Variants in HASPIN observed in about 807,000 individuals in gnomAD.
HASPIN encodes histone H3 associated protein kinase.
In HASPIN, 24 loss-of-function variants were observed where a neutral mutation model predicts 28.8. That is an observed-to-expected ratio of 0.83 (90% confidence interval 0.60 to 1.17). The LOEUF is 1.17. Ranked by LOEUF, HASPIN falls within the 50% of genes most tolerant of loss-of-function variation. The pLI, the probability that HASPIN is intolerant of heterozygous loss-of-function variation, is 0.00. For missense variants in HASPIN, 1,016 were observed against 1,018.5 expected (o/e 1.00, Z 0.03); for synonymous variants, 440 against 413.1 (o/e 1.07, Z -0.79).
At position 3,725,500 on chromosome 17, in the gene HASPIN, A is replaced by AT. The variant is rs2051189615; in HGVS notation, c.1566dup (p.Gly523TrpfsTer8). The AT allele has an allele frequency of 6.2e-7, 1 of 1,614,138 alleles. No homozygotes were observed. The highest frequency in any genetic ancestry group is 1.3e-5 in the African/African-American group (1 of 74,946). On this transcript the variant is annotated frameshift_variant, in exon 1 of 1. Transcript: ENST00000325418. LOFTEE classifies it high-confidence loss of function. ...GCTATTGAAGGACCAGATTTAGTCA[A>AT]TGGATCCCATCAGAAAACCTTTGAG... is the stretch of plus-strand genomic sequence containing the variant.
chr17:3,725,433 C>G lies in HASPIN; in HGVS notation c.1498C>G (p.Gln500Glu), dbSNP rs1445703139. The G allele has an allele frequency of 1.2e-6, 2 of 1,614,174 alleles. No homozygotes were observed. Among genetic ancestry groups the G allele is most frequent in the Non-Finnish European group, 1.7e-6 (2 of 1,180,024 alleles). The change falls in exon 1 of 1, where the codon CAA becomes GAA. Residue 500 changes from glutamine to glutamate, a missense_variant. Gln to Glu is a conservative substitution (Grantham distance 29, BLOSUM62 2). This residue lies in a region of HASPIN where 881 missense variants were observed against 845.5 expected (regional missense o/e 1.04). Coordinates refer to ENST00000325418, the MANE Select transcript of HASPIN (RefSeq NM_031965.2). ...GGAAGGGGTGTTTGGCGAAGTGTTT[C>G]AAACAATTGCTGATCACACACCCGT... is the stretch of plus-strand genomic sequence containing the variant. ...IGEGVFGEVF[Q>E]TIADHTPVAI...
rs779836408 is a variant in HASPIN, at chr17:3,724,873, A to G, written c.938A>G (p.His313Arg). The change falls in exon 1 of 1, where the codon CAT becomes CGT. Residue 313 changes from histidine to arginine, a missense_variant. By Grantham distance (29) the His-to-Arg change is conservative. Around this residue, in one of 3 missense-constraint regions of HASPIN, gnomAD observed 881 missense variants for 845.5 expected, o/e 1.04. Coordinates refer to ENST00000325418, the MANE Select transcript of HASPIN (RefSeq NM_031965.2). ...CTTCAAGAGGCCGTCCGGAGAGAGCATCAGGAGGCCAGTGTTCCCAAGGGC... is the reference window on the plus strand; with the variant it reads ...CTTCAAGAGGCCGTCCGGAGAGAGCGTCAGGAGGCCAGTGTTCCCAAGGGC... ...RGLQEAVRRE[H>R]QEASVPKGRI... is the part of the protein sequence containing the mutation. 2.0e-5 allele frequency: 33 copies of G among 1,613,866 alleles called. 1 individual carries two copies. In the Admixed American group the frequency reaches 4.3e-4, roughly 21 times the overall value.
chr17:3,723,975 C>G lies in HASPIN; in HGVS notation c.40C>G (p.Arg14Gly). ...SLPGPGSRLF[R>G]TYGAADGRRQ... ...CCCGGGACCTGGGAGCCGGCTTTTC[C>G]GCACATATGGGGCTGCGGACGGCAG... The change falls in exon 1 of 1, where the codon CGC becomes GGC. Residue 14 changes from arginine (R) to glycine (G), a missense_variant. Arg to Gly is a moderately radical substitution (Grantham distance 125). Around this residue, in one of 3 missense-constraint regions of HASPIN, gnomAD observed 881 missense variants for 845.5 expected, o/e 1.04. Transcript: ENST00000325418. 1.3e-6 allele frequency: 2 copies of G among 1,577,318 alleles called. No individual in the cohort carries two copies. Among genetic ancestry groups the G allele is most frequent in the Non-Finnish European group, 1.7e-6 (2 of 1,162,176 alleles).
Position 3,725,243 on chromosome 17 carries a change from G to A in HASPIN, c.1308G>A (p.Trp436Ter). 6.2e-7 allele frequency: 1 copy of A among 1,614,118 alleles called. No homozygotes were observed. Residue 436 changes from tryptophan to a stop codon, truncating the protein, a stop_gained, in exon 1 of 1, where the codon TGG (tryptophan) becomes TGA (stop). Coordinates refer to ENST00000325418, the MANE Select transcript of HASPIN (RefSeq NM_031965.2). LOFTEE classifies it high-confidence loss of function. ...GAACAAGTGGTGCTCCGTCCTCTTG[G>A]CACTCCTCCTCTATGTATTTGCTAA... ...MNRTSGAPSS[W>*]HSSSMYLLSP...
rs770278574 is a variant in HASPIN, at chr17:3,724,052, C to T, written c.117C>T (p.Asp39=). 3.8e-6 allele frequency: 6 copies of T among 1,597,216 alleles called. No individual in the cohort carries two copies. Among genetic ancestry groups the T allele is most frequent in the Admixed American group, 1.7e-5 (1 of 59,620 alleles). ...CCGCGCAGTGGTTCCCGCCGCAGGA[C>T]CGGAGGCGTTTCTTCAACAGCAGCG... The part of the protein sequence containing the change: ...REAAQWFPPQ[D]RRRFFNSSGS... Residue 39 remains aspartate (D), a synonymous_variant, in exon 1 of 1, where the codon GAC becomes GAT. Coordinates refer to ENST00000325418, the MANE Select transcript of HASPIN (RefSeq NM_031965.2).
chr17:3,726,390 C>T lies in HASPIN; in HGVS notation c.*58C>T, dbSNP rs2051214717. 10 of 1,193,672 alleles carry T rather than the reference C, an allele frequency of 8.4e-6. No homozygotes were observed. Among genetic ancestry groups the T allele is most frequent in the Non-Finnish European group, 1.2e-5 (10 of 833,710 alleles). The allele number at this position is 1,193,672 out of a possible 1,614,324, so 73.9% of individuals were successfully genotyped here. A position where few individuals can be genotyped will look rare whatever the true frequency, so the allele number is the denominator to read the frequency against. On this transcript the variant is annotated 3_prime_UTR_variant, in exon 1 of 1. Transcript: ENST00000325418. ...GAGACTGGTCTTGAAGCCTCTGGTG[C>T]TGTTTCAACCTCCATCCCCACAGGA...
At position 3,726,334 on chromosome 17, in the gene HASPIN, C is replaced by A. The variant is rs547959913; in HGVS notation, c.*2C>A. The A allele has an allele frequency of 1.9e-6, 3 of 1,581,560 alleles. No individual in the cohort carries two copies. The East Asian group carries it at 6.7e-5, about 35-fold the overall frequency. On this transcript the variant is annotated 3_prime_UTR_variant, in exon 1 of 1. Transcript: ENST00000325418. ...TGCCAGCACAGTCTGTTTAAGTAAG[C>A]TAAATGTATCTTACTGCCCCGAAAT...
At position 3,724,535 on chromosome 17, in the gene HASPIN, C is replaced by T; in HGVS notation, c.600C>T (p.Ala200=). 6.2e-7 allele frequency: 1 copy of T among 1,614,082 alleles called. No homozygotes were observed. Among genetic ancestry groups the T allele is most frequent in the Non-Finnish European group, 8.5e-7 (1 of 1,180,014 alleles). Residue 200 remains alanine (A), a synonymous_variant, in exon 1 of 1, where the codon GCC becomes GCT. Transcript: ENST00000325418. ...GTSACLVAAS[A]VPSGLHLPEV... Reference sequence around the variant, plus strand: ...CCGCCTGTCTGGTTGCAGCCTCAGCCGTCCCGAGCGGCCTCCACCTCCCAG... The same window carrying T: ...CCGCCTGTCTGGTTGCAGCCTCAGCTGTCCCGAGCGGCCTCCACCTCCCAG...
chr17:3,724,713 C>T lies in HASPIN; in HGVS notation c.778C>T (p.Arg260Trp), dbSNP rs773519652. The part of the protein sequence containing the change: ...NSGTPEDSEF[R>W]ADGKNMRESC... ...AGGAACCCCTGAGGATTCTGAGTTT[C>T]GGGCAGATGGGAAGAATATGAGAGA... is the stretch of plus-strand genomic sequence containing the variant. The change falls in exon 1 of 1, where the codon CGG becomes TGG. Residue 260 changes from arginine (R) to tryptophan (W), a missense_variant. Arg to Trp is a moderately radical substitution (Grantham distance 101). This residue lies in a region of HASPIN where 881 missense variants were observed against 845.5 expected (regional missense o/e 1.04). Coordinates refer to ENST00000325418, the MANE Select transcript of HASPIN (RefSeq NM_031965.2). The T allele has an allele frequency of 1.2e-6, 2 of 1,614,140 alleles. No homozygotes were observed. Among genetic ancestry groups the T allele is most frequent in the Admixed American group, 1.7e-5 (1 of 60,018 alleles).
Position 3,724,752 on chromosome 17 carries a change from A to T in HASPIN, c.817A>T (p.Arg273Trp), listed in dbSNP as rs2051165672. 6.2e-7 allele frequency: 1 copy of T among 1,614,114 alleles called. No individual in the cohort carries two copies. The highest frequency in any genetic ancestry group is 8.5e-7 in the Non-Finnish European group (1 of 1,180,046). The change falls in exon 1 of 1, where the codon AGG (arginine) becomes TGG (tryptophan). Residue 273 changes from arginine (R) to tryptophan (W), a missense_variant. This residue lies in a region of HASPIN where 881 missense variants were observed against 845.5 expected (regional missense o/e 1.04). Coordinates refer to ENST00000325418, the MANE Select transcript of HASPIN (RefSeq NM_031965.2). ...GKNMRESCCK[R>W]KLVVGNGPEG... is the part of the protein sequence containing the mutation. ...GAATATGAGAGAGTCCTGCTGTAAA[A>T]GGAAACTGGTGGTGGGAAATGGACC...
chr17:3,724,972 C>T lies in HASPIN; in HGVS notation c.1037C>T (p.Thr346Met), dbSNP rs893559796. The change falls in exon 1 of 1, where the codon ACG becomes ATG. Residue 346 changes from threonine (T) to methionine (M), a missense_variant. Thr to Met is a moderately conservative substitution (Grantham distance 81). Around this residue, in one of 3 missense-constraint regions of HASPIN, gnomAD observed 881 missense variants for 845.5 expected, o/e 1.04. Transcript: ENST00000325418. ...CGGAAGAGCAAACATCAGGAGGCAA[C>T]GGAAACCTCTCTCCTCCATTCCCAC... is the stretch of plus-strand genomic sequence containing the variant. ...SSRKSKHQEATETSLLHSHRF... is the reference protein window; with the variant it reads ...SSRKSKHQEAMETSLLHSHRF... The T allele has an allele frequency of 9.3e-6, 15 of 1,614,046 alleles. No individual in the cohort carries two copies. Among genetic ancestry groups the T allele is most frequent in the Non-Finnish European group, 1.2e-5 (14 of 1,180,056 alleles).
At position 3,724,350 on chromosome 17, in the gene HASPIN, C is replaced by A; in HGVS notation, c.415C>A (p.Pro139Thr). ...PCGPLRLPPF[P>T]SRDSGRLSPD... ...CGGCCCGCTCCGACTTCCGCCCTTC[C>A]CCAGCCGCGACTCCGGCCGCCTCAG... Residue 139 changes from proline to threonine, a missense_variant, in exon 1 of 1, where the codon CCC becomes ACC. Physicochemically the swap from Pro to Thr is conservative, Grantham distance 38. This residue lies in a region of HASPIN where 881 missense variants were observed against 845.5 expected (regional missense o/e 1.04). Transcript: ENST00000325418. The A allele has an allele frequency of 6.3e-7, 1 of 1,598,642 alleles. No homozygotes were observed. Among genetic ancestry groups the A allele is most frequent in the Non-Finnish European group, 8.5e-7 (1 of 1,176,154 alleles).
chr17:3,725,033 G>T lies in HASPIN; in HGVS notation c.1098G>T (p.Ser366=). 6.2e-7 allele frequency: 1 copy of T among 1,614,170 alleles called. No individual in the cohort carries two copies. The highest frequency in any genetic ancestry group is 8.5e-7 in the Non-Finnish European group (1 of 1,180,040). The change falls in exon 1 of 1, where the codon TCG becomes TCT. Residue 366 remains serine, a synonymous_variant. Coordinates refer to ENST00000325418, the MANE Select transcript of HASPIN (RefSeq NM_031965.2). ...AGGGCCAAAAGCTGGGAAAAGATTC[G>T]TTCCCCACCCAGGACCTGACTCCTT... ...FKKGQKLGKD[S]FPTQDLTPLQ...
chr17:3,724,845 G>T lies in HASPIN; in HGVS notation c.910G>T (p.Gly304Trp), dbSNP rs147870200. 1.9e-6 allele frequency: 3 copies of T among 1,613,982 alleles called. No homozygotes were observed. Among genetic ancestry groups the T allele is most frequent in the Non-Finnish European group, 2.5e-6 (3 of 1,180,044 alleles). ...ATGQDSCQERGLQEAVRREHQ... is the reference protein window; with the variant it reads ...ATGQDSCQERWLQEAVRREHQ... ...AGGCCAGGACTCTTGTCAAGAGAGAGGGCTTCAAGAGGCCGTCCGGAGAGA... is the reference window on the plus strand; with the variant it reads ...AGGCCAGGACTCTTGTCAAGAGAGATGGCTTCAAGAGGCCGTCCGGAGAGA... Residue 304 changes from glycine (G) to tryptophan (W), a missense_variant, in exon 1 of 1, where the codon GGG (glycine) becomes TGG (tryptophan). Gly to Trp is a radical substitution (Grantham distance 184, BLOSUM62 -2). Around this residue, in one of 3 missense-constraint regions of HASPIN, gnomAD observed 881 missense variants for 845.5 expected, o/e 1.04. Transcript: ENST00000325418.
Position 3,724,926 on chromosome 17 carries a change from C to T in HASPIN, c.991C>T (p.Leu331=), listed in dbSNP as rs2051171530. ...CATTGTGCCAAGGGGAATAGACAGG[C>T]TGGAGAGAACTAGATCAAGCCGGAA... ...GRIVPRGIDR[L]ERTRSSRKSK... Residue 331 remains leucine (L), a synonymous_variant, in exon 1 of 1, where the codon CTG becomes TTG. Coordinates refer to ENST00000325418, the MANE Select transcript of HASPIN (RefSeq NM_031965.2). 3 of 1,613,572 alleles carry T rather than the reference C, an allele frequency of 1.9e-6. No individual in the cohort carries two copies. The highest frequency in any genetic ancestry group is 2.7e-5 in the African/African-American group (2 of 74,932).
Position 3,725,099 on chromosome 17 carries a change from C to A in HASPIN, c.1164C>A (p.Phe388Leu). Residue 388 changes from phenylalanine to leucine, a missense_variant, in exon 1 of 1, where the codon TTC (phenylalanine) becomes TTA (leucine). Phe to Leu is a conservative substitution (Grantham distance 22). Around this residue, in one of 3 missense-constraint regions of HASPIN, gnomAD observed 881 missense variants for 845.5 expected, o/e 1.04. Transcript: ENST00000325418. ...TTTGGACCAAAACCAGGGCTTCCTT[C>A]AGTTTCCACAAGAAGAAAATTGTGA... The part of the protein sequence containing the change: ...VCFWTKTRAS[F>L]SFHKKKIVTD... 2 of 1,614,218 alleles carry A rather than the reference C, an allele frequency of 1.2e-6. No individual in the cohort carries two copies. The highest frequency in any genetic ancestry group is 1.7e-5 in the Admixed American group (1 of 60,018).
rs1275210330 is a variant in HASPIN, at chr17:3,724,569, C to G, written c.634C>G (p.Leu212Val). 6.2e-7 allele frequency: 1 copy of G among 1,614,176 alleles called. No individual in the cohort carries two copies. The highest frequency in any genetic ancestry group is 8.5e-7 in the Non-Finnish European group (1 of 1,180,018). ...CGGCCTCCACCTCCCAGAAGTCTCC[C>G]TGGACCGAGCATCTCTCCCCTGCTC... ...PSGLHLPEVS[L>V]DRASLPCSQE... Residue 212 changes from leucine to valine, a missense_variant, in exon 1 of 1, where the codon CTG becomes GTG. Around this residue, in one of 3 missense-constraint regions of HASPIN, gnomAD observed 881 missense variants for 845.5 expected, o/e 1.04. Coordinates refer to ENST00000325418, the MANE Select transcript of HASPIN (RefSeq NM_031965.2).
rs777628390 is a variant in HASPIN, at chr17:3,724,142, C to G, written c.207C>G (p.Pro69=). The G allele has an allele frequency of 6.3e-7, 1 of 1,595,432 alleles. No homozygotes were observed. The change falls in exon 1 of 1, where the codon CCC becomes CCG. Residue 69 remains proline (P), a synonymous_variant. Coordinates refer to ENST00000325418, the MANE Select transcript of HASPIN (RefSeq NM_031965.2). ...ACGATCCTGACGATCCCGACGACCC[C>G]GACTTCCCCGGCAGCCCGGTGAGGC... ...QSDDPDDPDD[P]DFPGSPVRRR... is the part of the protein sequence containing the mutation.
In HASPIN at chr17:3,726,174, T is replaced by C; in HGVS notation, c.2239T>C (p.Tyr747His). ...HPYSNVLWLH[Y>H]LTDKMLKQMT... ...TTATAGTAATGTGCTCTGGTTACAT[T>C]ACCTGACAGACAAGATGCTGAAACA... Residue 747 changes from tyrosine (Y) to histidine (H), a missense_variant, in exon 1 of 1, where the codon TAC (tyrosine) becomes CAC (histidine). This residue lies in a region of HASPIN where 129 missense variants were observed against 156.2 expected (regional missense o/e 0.83). Transcript: ENST00000325418. The C allele has an allele frequency of 6.2e-7, 1 of 1,614,180 alleles. No individual in the cohort carries two copies. The highest frequency in any genetic ancestry group is 8.5e-7 in the Non-Finnish European group (1 of 1,180,030).
Sources: allele counts gnomAD v4.1 joint callset, GRCh38; gene constraint gnomAD v4.1.1; regional missense constraint gnomAD v4.1.1; transcripts MANE v1.5; gene names NCBI Gene and HGNC (gene_info 2026-07-23, HGNC 2026-07-21).